RGS5: variants seen among roughly 807,000 people sequenced by gnomAD.
The protein encoded by RGS5 is regulator of G protein signaling 5.
Under a neutral mutation model 18.9 loss-of-function variants are expected in RGS5, and 20 were observed. The ratio of observed to expected loss-of-function variants is 1.06; its 90% CI spans 0.74 to 1.54. RGS5 has a LOEUF of 1.54. Ranked by LOEUF, RGS5 falls within the 40% of genes most tolerant of loss-of-function variation. The probability of loss-of-function intolerance (pLI) is 0.00; values close to 1 mark genes in which losing one functional copy is unlikely to be tolerated. For missense variants in RGS5, 201 were observed against 211.8 expected (o/e 0.95, Z 0.32); for synonymous variants, 57 against 76.2 (o/e 0.75, Z 1.31).
intron 1 of RGS5, among the ~76,000 whole-genome samples, chr1:163,310,724 T>C (rs12757658): frequency 0.15 from 22,152 of 152,134 alleles, 1,954 homozygotes; most frequent in Non-Finnish European, 0.19. Context: ...GCCTTAGCAC[T>C]TGCTGCTTCA....
At chr1:163,174,707 C>T (rs1658469842) in intron 1 of RGS5, among the ~76,000 whole-genome samples, 1 of 152,166 alleles carries the variant, frequency 6.6e-6, no homozygotes, top group Non-Finnish European at 1.5e-5. Context: ...CACTAGCAAT[C>T]TGAAAAGAAT....
chr1:163,193,548 T>C (rs553846625), intron 1 of RGS5, among the ~76,000 whole-genome samples: 1 of 152,298 alleles, frequency 6.6e-6, no homozygotes, highest in African/African-American at 2.4e-5. Context: ...TGATAATGCA[T>C]GCATCCTATA....
chr1:163,174,191 G>A (rs539417449), intron 1 of RGS5, among the ~76,000 whole-genome samples: 3 of 152,242 alleles, frequency 2.0e-5, no homozygotes, highest in South Asian at 2.1e-4. Context: ...TATATCCTCA[G>A]AGCCCTCTGA....
At chr1:163,224,698 G>A (rs1647296354) in intron 2 of RGS5, among the ~76,000 whole-genome samples, 1 of 152,086 alleles carries the variant, frequency 6.6e-6, no homozygotes, top group Non-Finnish European at 1.5e-5. Context: ...ATCCTCACCA[G>A]CATTTGTTAT....
chr1:163,218,167 T>C (rs1487475142), upstream of RGS5, among the ~76,000 whole-genome samples: 1 of 152,232 alleles, frequency 6.6e-6, no homozygotes. Context: ...CAGGGCTCCA[T>C]GTGTCTCAGG....
rs1657014959 is a variant in RGS5, at chr1:163,143,742, T to C, written c.*3600A>G. 1 of 152,150 alleles carries C rather than the reference T, an allele frequency of 6.6e-6. No homozygotes were observed. Among genetic ancestry groups the C allele is most frequent in the Admixed American group, 6.5e-5 (1 of 15,270 alleles). 9.4% of individuals were successfully genotyped at this position (152,150 alleles called of 1,614,324 possible). A position where few individuals can be genotyped will look rare whatever the true frequency, so the allele number is the denominator to read the frequency against. On this transcript the variant is annotated 3_prime_UTR_variant, in exon 5 of 5. Coordinates refer to ENST00000313961, the MANE Select transcript of RGS5 (RefSeq NM_003617.4). ...CTGCTAGGGAGAACAGTTTCAATAA[T>C]GAAAATCATTTCTCTGAAATATAAC...
At chr1:163,218,952 G>T (rs532922029), upstream of RGS5, among the ~76,000 whole-genome samples, 1 of 152,140 alleles carries the variant, frequency 6.6e-6, no homozygotes, top group Non-Finnish European at 1.5e-5. Flanking sequence ...GTCTATAATT[G>T]CGTGAGGGCC....
chr1:163,163,031 T>G (rs1003717706), intron 2 of RGS5, among the ~76,000 whole-genome samples: 1 of 95,560 alleles, frequency 1.0e-5, no homozygotes, highest in Admixed American at 1.3e-4. Context: ...TTTTATACAA[T>G]GATATTTCGG....
At chr1:163,193,972 G>A (rs563040129) in intron 1 of RGS5, among the ~76,000 whole-genome samples, 50 of 152,214 alleles carry the variant, frequency 3.3e-4, no homozygotes, top group Non-Finnish European at 5.6e-4. Flanking sequence ...AGTCACATGC[G>A]TCTGTGTTTA....
upstream of RGS5, among the ~76,000 whole-genome samples, chr1:163,205,573 G>A (rs1210779051): frequency 6.6e-6 from 1 of 152,098 alleles, no homozygotes; most frequent in Non-Finnish European, 1.5e-5. Flanking sequence ...TGTGAAAAGA[G>A]GTGAGTAGGA....
chr1:163,162,469 G>A (rs1464910429), intron 2 of RGS5, among the ~76,000 whole-genome samples: 1 of 152,112 alleles, frequency 6.6e-6, no homozygotes. Flanking sequence ...TGGAAGATGT[G>A]AGTGTATAAT....
chr1:163,265,192 C>T (rs1256519518), intron 2 of RGS5, among the ~76,000 whole-genome samples: 4 of 152,056 alleles, frequency 2.6e-5, no homozygotes, highest in Admixed American at 6.6e-5. Flanking sequence ...AGATGGATAC[C>T]TATTCCATCT....
At chr1:163,285,544 AAAAAC>A (rs58207362) in intron 2 of RGS5, among the ~76,000 whole-genome samples, 21 of 150,008 alleles carry the variant, frequency 1.4e-4, no homozygotes, top group South Asian at 6.6e-4. Flanking sequence ...AAACAAAAAC[AAAAAC>A]AAAACAAAAC....
intron 2 of RGS5, chr1:163,248,282 G>C (rs1647999232): frequency 6.6e-6 from 1 of 151,914 alleles, no homozygotes; most frequent in African/African-American, 2.4e-5. Flanking sequence ...CCAGGCCCTG[G>C]GATCAAAGAC....
At chr1:163,189,653 T>C (rs1659260141) in intron 1 of RGS5, among the ~76,000 whole-genome samples, 2 of 152,092 alleles carry the variant, frequency 1.3e-5, no homozygotes, top group African/African-American at 4.8e-5. Context: ...AAGACTAAGA[T>C]TACAAGGAGA....
intron 1 of RGS5, among the ~76,000 whole-genome samples, chr1:163,197,818 G>A (rs191120882): frequency 9.9e-5 from 15 of 152,226 alleles, no homozygotes; most frequent in Non-Finnish European, 2.1e-4. Flanking sequence ...CAGAAGCTCT[G>A]CTAGGACCTC....
At chr1:163,223,672 T>C (rs193253049) in intron 2 of RGS5, among the ~76,000 whole-genome samples, 3 of 152,214 alleles carry the variant, frequency 2.0e-5, no homozygotes, top group African/African-American at 7.2e-5. Context: ...TACTCTAGAG[T>C]ATCTGGCAGA....
At chr1:163,152,998 T>C (rs1657437614) in intron 3 of RGS5, among the ~76,000 whole-genome samples, 1 of 152,110 alleles carries the variant, frequency 6.6e-6, no homozygotes, top group African/African-American at 2.4e-5. Context: ...TTCCAAACAA[T>C]CAAATGCAAT....
At chr1:163,257,212 G>A (rs17358185) in intron 2 of RGS5, among the ~76,000 whole-genome samples, 1 of 151,956 alleles carries the variant, frequency 6.6e-6, no homozygotes, top group Non-Finnish European at 1.5e-5. Flanking sequence ...TATGTACTAG[G>A]GGTGATTTAA....
Sources: allele counts gnomAD v4.1 joint callset (sites outside exome capture counted in the v4.1 genomes callset), GRCh38; gene constraint gnomAD v4.1.1; transcripts MANE v1.5; gene names NCBI Gene and HGNC (gene_info 2026-07-23, HGNC 2026-07-21).